ZNF425: variants seen among roughly 807,000 people sequenced by gnomAD.
ZNF425 encodes the protein zinc finger protein 425.
A neutral mutation model predicts 17.0 loss-of-function variants in ZNF425; 21 were observed. That is an observed-to-expected ratio of 1.23 (90% CI 0.88 to 1.78). ZNF425 has a LOEUF of 1.78. ZNF425 is among the 40% of genes most tolerant of loss of function. ZNF425 has a pLI of 0.00. For synonymous variants in ZNF425, 433 were observed against 384.1 expected, an observed-to-expected ratio of 1.13 and a Z score of -1.49; for missense variants, 868 against 967.3, an observed-to-expected ratio of 0.90 and a Z score of 1.36.
intron 1 of ZNF425, among the ~76,000 whole-genome samples, chr7:149,119,594 T>C (rs1156743491): frequency 6.6e-6 from 1 of 152,032 alleles, no homozygotes. Context: ...TATTCACAGG[T>C]TCCACATCCA....
At chr7:149,111,453 G>C (rs895732725) in intron 3 of ZNF425, among the ~76,000 whole-genome samples, 1 of 151,244 alleles carries the variant, frequency 6.6e-6, no homozygotes, top group Non-Finnish European at 1.5e-5. Context: ...TTAGCCAGGT[G>C]TGGTGGCAGG....
At chr7:149,110,563 C>G (rs1304990308) in intron 3 of ZNF425, among the ~76,000 whole-genome samples, 4 of 142,844 alleles carry the variant, frequency 2.8e-5, no homozygotes, top group Non-Finnish European at 4.5e-5. Context: ...GAGACTCCAT[C>G]TCACAAAAAA....
intron 3 of ZNF425, among the ~76,000 whole-genome samples, chr7:149,111,149 T>A (rs370705884): frequency 8.8e-4 from 133 of 151,902 alleles, no homozygotes; most frequent in African/African-American, 2.8e-3. Context: ...TGTTTTTTTT[T>A]AAATAACATA....
intron 2 of ZNF425, among the ~76,000 whole-genome samples, chr7:149,114,272 C>G (rs905628866): frequency 1.4e-5 from 2 of 148,028 alleles, no homozygotes; most frequent in Non-Finnish European, 3.0e-5. Flanking sequence ...CGGGGTTTCA[C>G]CAAGTTGGTC....
In ZNF425 at chr7:149,104,150, C is replaced by T. The variant is rs376723924; in HGVS notation, c.1721G>A (p.Arg574Gln). The change falls in exon 4 of 4, where the codon CGG becomes CAG. Residue 574 changes from arginine (R) to glutamine (Q), a missense_variant. By Grantham distance (43) the Arg-to-Gln change is conservative. This residue lies in a region of ZNF425 where 437 missense variants were observed against 444.2 expected (regional missense o/e 0.98). Transcript: ENST00000378061. This position sits in a 1 kb window ranked among gnomAD's most constrained non-coding sequence, Gnocchi z 4.3. ...SWKASMKFHQ[R>Q]MHRDEKPFAC... ...GAAGGGCTTCTCGTCCCTGTGCATCCGCTGGTGGAACTTCATGGAGGCCTT... is the reference window on the plus strand; with the variant it reads ...GAAGGGCTTCTCGTCCCTGTGCATCTGCTGGTGGAACTTCATGGAGGCCTT... The T allele has an allele frequency of 2.1e-5, 34 of 1,613,272 alleles. No homozygotes were observed. Among genetic ancestry groups the T allele is most frequent in the Non-Finnish European group, 2.7e-5 (32 of 1,179,928 alleles).
rs1053026636 is a variant in ZNF425, at chr7:149,102,854, T to C, written c.*758A>G. Reference sequence around the variant, plus strand: ...GAAACATTCCAAGAAACAGAAGCCCTCTCACCATCTGAGAGAAAATGAAAA... The same window carrying C: ...GAAACATTCCAAGAAACAGAAGCCCCCTCACCATCTGAGAGAAAATGAAAA... On this transcript the variant is annotated 3_prime_UTR_variant, in exon 4 of 4. Transcript: ENST00000378061. 6.6e-6 allele frequency: 1 copy of C among 152,158 alleles called. No homozygotes were observed. 9.4% of individuals were successfully genotyped at this position (152,158 alleles called of 1,614,324 possible).
At chr7:149,116,705 T>TCTTG (rs951836102) in intron 2 of ZNF425, among the ~76,000 whole-genome samples, 1 of 152,106 alleles carries the variant, frequency 6.6e-6, no homozygotes, top group African/African-American at 2.4e-5. Flanking sequence ...CAACTCCTTA[T>TCTTG]CTTGTCCTTT....
intron 2 of ZNF425, among the ~76,000 whole-genome samples, chr7:149,115,006 C>A (rs147450376): frequency 7.2e-6 from 1 of 139,442 alleles, no homozygotes; most frequent in African/African-American, 2.7e-5. Flanking sequence ...GTGATCTTGG[C>A]TCACTGCAAC....
Position 149,104,741 on chromosome 7 carries a change from TG to T in ZNF425, c.1129del (p.Gln377ArgfsTer53). The T allele has an allele frequency of 1.2e-6, 2 of 1,613,156 alleles. No individual in the cohort carries two copies. Among genetic ancestry groups the T allele is most frequent in the African/African-American group, 2.7e-5 (2 of 75,038 alleles). On this transcript the variant is annotated frameshift_variant, in exon 4 of 4. Coordinates refer to ENST00000378061, the MANE Select transcript of ZNF425 (RefSeq NM_001001661.3). LOFTEE classifies it low-confidence loss of function (END_TRUNC). The surrounding 1 kb of genome is among the most constrained non-coding windows in gnomAD (Gnocchi z 4.3). ...FSRKAALKTH[Q>X]RTHSEEKPFS... The stretch of plus-strand genomic sequence containing the variant: ...CGGCTTTTCCTCGCTGTGCGTCCTC[TG>T]GTGGGTCTTCAGGGCAGCCTTCCGG...
At chr7:149,118,635 C>T (rs561317672) in intron 1 of ZNF425, 12 of 418,020 alleles carry the variant, frequency 2.9e-5, no homozygotes, top group Non-Finnish European at 5.6e-5. Context: ...GCCAACATGG[C>T]AAAACCTCAT....
At chr7:149,111,314 G>A (rs954396439) in intron 3 of ZNF425, among the ~76,000 whole-genome samples, 36 of 151,178 alleles carry the variant, frequency 2.4e-4, no homozygotes, top group African/African-American at 4.8e-4. Flanking sequence ...GCCGGGTGTC[G>A]GGCGCGGTGG....
chr7:149,112,867 G>A (rs1015741467), intron 2 of ZNF425, among the ~76,000 whole-genome samples: 12 of 151,350 alleles, frequency 7.9e-5, no homozygotes, highest in African/African-American at 2.7e-4. Context: ...GTTTTGCCAC[G>A]TTGCCCAGGC....
chr7:149,105,309 T>G lies in ZNF425; in HGVS notation c.562A>C (p.Arg188=). 6.2e-7 allele frequency: 1 copy of G among 1,614,186 alleles called. No individual in the cohort carries two copies. The highest frequency in any genetic ancestry group is 8.5e-7 in the Non-Finnish European group (1 of 1,180,032). The part of the protein sequence containing the change: ...PGRLEIPTGP[R]CYSCYVCRKV... ...CTACAGACATAGCAGGAATAGCATC[T>G]TGGCCCTGTGGGAATTTCTAAGCGC... The change falls in exon 4 of 4, where the codon AGA becomes CGA. Residue 188 remains arginine, a synonymous_variant. Transcript: ENST00000378061.
In ZNF425 at chr7:149,104,775, T is replaced by C; in HGVS notation, c.1096A>G (p.Ser366Gly). 6.2e-7 allele frequency: 1 copy of C among 1,613,166 alleles called. No individual in the cohort carries two copies. Among genetic ancestry groups the C allele is most frequent in the Non-Finnish European group, 8.5e-7 (1 of 1,179,804 alleles). The change falls in exon 4 of 4, where the codon AGC becomes GGC. Residue 366 changes from serine (S) to glycine (G), a missense_variant. Ser to Gly is a moderately conservative substitution (Grantham distance 56). Around this residue, in one of 5 missense-constraint regions of ZNF425, gnomAD observed 243 missense variants for 265.2 expected, o/e 0.92. Coordinates refer to ENST00000378061, the MANE Select transcript of ZNF425 (RefSeq NM_001001661.3). This position sits in a 1 kb window ranked among gnomAD's most constrained non-coding sequence, Gnocchi z 4.3. ...RPFHCPECGR[S>G]FSRKAALKTH... ...TTCAGGGCAGCCTTCCGGGAGAAGC[T>C]CCGGCCACACTCGGGACAGTGGAAG...
In ZNF425 at chr7:149,102,838, CA is replaced by C. The variant is rs1327118983; in HGVS notation, c.*773del. 1.3e-5 allele frequency: 2 copies of C among 152,138 alleles called. No homozygotes were observed. The highest frequency in any genetic ancestry group is 2.9e-5 in the Non-Finnish European group (2 of 68,016). The allele number at this position is 152,138 out of a possible 1,614,324, so 9.4% of individuals were successfully genotyped here. ...TATTTTTAGCAATATGGAAACATTC[CA>C]AGAAACAGAAGCCCTCTCACCATCT... On this transcript the variant is annotated 3_prime_UTR_variant, in exon 4 of 4. Coordinates refer to ENST00000378061, the MANE Select transcript of ZNF425 (RefSeq NM_001001661.3).
chr7:149,119,608 A>C (rs1826320055), intron 1 of ZNF425, among the ~76,000 whole-genome samples: 1 of 152,134 alleles, frequency 6.6e-6, no homozygotes, highest in Non-Finnish European at 1.5e-5. Flanking sequence ...ACATCCATAA[A>C]TTCGACCAAC....
At chr7:149,111,315 GGC>G (rs1826171651) in intron 3 of ZNF425, among the ~76,000 whole-genome samples, 1 of 151,204 alleles carries the variant, frequency 6.6e-6, no homozygotes, top group African/African-American at 2.4e-5. Flanking sequence ...CCGGGTGTCG[GGC>G]GCGGTGGCTC....
chr7:149,122,363 T>A (rs1826372270), intron 1 of ZNF425, among the ~76,000 whole-genome samples: 2 of 151,976 alleles, frequency 1.3e-5, no homozygotes, highest in South Asian at 4.1e-4. Flanking sequence ...GCAATCCTCC[T>A]GCCTCAGGCT....
At chr7:149,117,057 T>C (rs965790324) in intron 2 of ZNF425, among the ~76,000 whole-genome samples, 1 of 151,832 alleles carries the variant, frequency 6.6e-6, no homozygotes, top group African/African-American at 2.4e-5. Context: ...GGTCAGGAGT[T>C]CGAGACCAGC....
Sources: gnomAD v4.1 joint callset for allele counts (sites outside exome capture counted in the v4.1 genomes callset) on GRCh38, gnomAD v4.1.1 for gene constraint, gnomAD v4.1.1 regional missense constraint, Gnocchi (gnomAD v3.1) non-coding constraint, MANE v1.5 for transcripts, NCBI Gene and HGNC (gene_info 2026-07-23, HGNC 2026-07-21) for gene names.